The following ARHGAP12 variants were observed in gnomAD, a reference collection of about 807,000 sequenced individuals.
The protein encoded by ARHGAP12 is rho GTPase-activating protein 12.
In ARHGAP12, 64 loss-of-function variants were observed where a neutral mutation model predicts 108.6. The ratio of observed to expected loss-of-function variants is 0.59; its 90% CI spans 0.48 to 0.73. The LOEUF is 0.73. Among genes scored for constraint, ARHGAP12 ranks in the 30% least tolerant of loss-of-function variants. ARHGAP12 has a pLI of 0.00. For synonymous variants in ARHGAP12, 312 were observed against 337.2 expected, an observed-to-expected ratio of 0.93 and a Z score of 0.82; for missense variants, 940 against 1,005.9, an observed-to-expected ratio of 0.93 and a Z score of 0.89.
chr10:31,902,265 C>T (rs933731351), intron 3 of ARHGAP12, among the ~76,000 whole-genome samples: 3 of 143,826 alleles, frequency 2.1e-5, no homozygotes, highest in African/African-American at 7.8e-5. Context: ...AGGTAGAAGA[C>T]AATTTATTGG....
At chr10:31,864,504 C>T (rs1837249346) in intron 3 of ARHGAP12, among the ~76,000 whole-genome samples, 1 of 152,122 alleles carries the variant, frequency 6.6e-6, no homozygotes, top group Non-Finnish European at 1.5e-5. Context: ...TCCATAAATA[C>T]AATGCAATAT....
intron 18 of ARHGAP12, 78 bp downstream of exon 18, chr10:31,808,916 A>AT: frequency 7.0e-7 from 1 of 1,432,752 alleles, no homozygotes; most frequent in East Asian, 2.3e-5. Flanking sequence ...TTAAAGTAAG[A>AT]TAAAAAAAAT....
chr10:31,907,771 C>T (rs546373069), intron 3 of ARHGAP12, among the ~76,000 whole-genome samples: 1 of 152,170 alleles, frequency 6.6e-6, no homozygotes, highest in African/African-American at 2.4e-5. Context: ...CCTCAAATAA[C>T]CATTATTACC....
chr10:31,863,575 A>G (rs1308613543), intron 3 of ARHGAP12, among the ~76,000 whole-genome samples: 1 of 152,206 alleles, frequency 6.6e-6, no homozygotes, highest in Non-Finnish European at 1.5e-5. Context: ...ACAATCTATA[A>G]GGCTAGCATA....
chr10:31,852,632 T>G (rs1390930020), intron 5 of ARHGAP12, 35 bp from the exon 6 acceptor site: 4 of 1,468,664 alleles, frequency 2.7e-6, no homozygotes, highest in Non-Finnish European at 3.8e-6. Context: ...TTATTAAATT[T>G]AAATAAAAGT....
chr10:31,916,545 G>A (rs137994955), intron 1 of ARHGAP12, among the ~76,000 whole-genome samples: 28 of 152,206 alleles, frequency 1.8e-4, no homozygotes, highest in African/African-American at 6.3e-4. Flanking sequence ...CAGGACATCC[G>A]TTTTAACCAA....
chr10:31,916,921 T>C (rs1451055517), intron 1 of ARHGAP12, among the ~76,000 whole-genome samples: 2 of 151,996 alleles, frequency 1.3e-5, no homozygotes, highest in Non-Finnish European at 2.9e-5. Context: ...AGCCGAAACA[T>C]AATGTATCTT....
At chr10:31,920,449 C>CAAAAAAAAAAAAAAAAAAAAAAAAAAA (rs71027040) in intron 1 of ARHGAP12, among the ~76,000 whole-genome samples, 14 of 59,598 alleles carry the variant, frequency 2.3e-4, no homozygotes, top group Non-Finnish European at 2.9e-4. Context: ...GACTCCGTCT[C>CAAAAAAAAAAAAAAAAAAAAAAAAAAA]AAAAAAAAAA....
intron 16 of ARHGAP12, among the ~76,000 whole-genome samples, chr10:31,810,354 CA>C (rs1834970500): frequency 6.6e-6 from 1 of 152,112 alleles, no homozygotes; most frequent in Admixed American, 6.5e-5. Context: ...CTCAATTTCA[CA>C]ATCACTACCT....
At chr10:31,840,058 A>G (rs1157608181) in intron 7 of ARHGAP12, among the ~76,000 whole-genome samples, 1 of 152,114 alleles carries the variant, frequency 6.6e-6, no homozygotes, top group Non-Finnish European at 1.5e-5. Context: ...TAAATAAGTT[A>G]TAATCATGAT....
chr10:31,922,452 G>A (rs996556253), intron 1 of ARHGAP12, among the ~76,000 whole-genome samples: 1 of 150,768 alleles, frequency 6.6e-6, no homozygotes, highest in Non-Finnish European at 1.5e-5. Context: ...GCCCAGGCTG[G>A]AGTGCAGAAG....
chr10:31,816,923 G>A (rs1835224869), intron 13 of ARHGAP12, among the ~76,000 whole-genome samples: 2 of 152,158 alleles, frequency 1.3e-5, no homozygotes, highest in African/African-American at 4.8e-5. Flanking sequence ...TAACTAATTT[G>A]CTAGAAGAGG....
At chr10:31,814,861 C>T (rs1432115984) in intron 13 of ARHGAP12, among the ~76,000 whole-genome samples, 1 of 152,024 alleles carries the variant, frequency 6.6e-6, no homozygotes, top group Admixed American at 6.5e-5. Flanking sequence ...CACCTGTAAT[C>T]CCAGCAAAGA....
intron 10 of ARHGAP12, among the ~76,000 whole-genome samples, chr10:31,831,016 T>G (rs1046254563): frequency 5.9e-5 from 9 of 152,228 alleles, no homozygotes; most frequent in African/African-American, 2.2e-4. Context: ...GCAATTCCAC[T>G]TTTTGTAAAA....
At chr10:31,857,709 G>A in intron 4 of ARHGAP12, among the ~76,000 whole-genome samples, 1 of 152,228 alleles carries the variant, frequency 6.6e-6, no homozygotes, top group Admixed American at 6.5e-5. Flanking sequence ...AAGACAATCA[G>A]ATTGACATCT....
chr10:31,912,758 GA>G (rs1390142644), intron 1 of ARHGAP12, among the ~76,000 whole-genome samples: 1 of 151,990 alleles, frequency 6.6e-6, no homozygotes, highest in Non-Finnish European at 1.5e-5. Context: ...GAAGGGTGGG[GA>G]AACAGGTTGG....
At chr10:31,864,670 T>C (rs1000176127) in intron 3 of ARHGAP12, among the ~76,000 whole-genome samples, 1 of 152,150 alleles carries the variant, frequency 6.6e-6, no homozygotes, top group Non-Finnish European at 1.5e-5. Flanking sequence ...CAGTTAGATG[T>C]GATAAAGAGA....
chr10:31,899,651 G>A (rs1318661749), intron 3 of ARHGAP12, among the ~76,000 whole-genome samples: 2 of 152,082 alleles, frequency 1.3e-5, no homozygotes, highest in Admixed American at 6.6e-5. Flanking sequence ...AACAAATGGT[G>A]GTGAAACAAT....
intron 6 of ARHGAP12, among the ~76,000 whole-genome samples, chr10:31,849,116 T>C (rs1836576648): frequency 6.6e-6 from 1 of 152,206 alleles, no homozygotes; most frequent in Admixed American, 6.5e-5. Context: ...TTGATTCTTC[T>C]TATGTCTATG....
Sources: allele counts gnomAD v4.1 joint callset (sites outside exome capture counted in the v4.1 genomes callset), GRCh38; gene constraint gnomAD v4.1.1; transcripts MANE v1.5; gene names NCBI Gene and HGNC (gene_info 2026-07-23, HGNC 2026-07-21).